MCTP1: variants seen among roughly 807,000 people sequenced by gnomAD.
MCTP1 encodes multiple C2 and transmembrane domain containing 1, also known as multiple C2 and transmembrane domain-containing protein 1.
Under a neutral mutation model 120.6 loss-of-function variants are expected in MCTP1, and 69 were observed. The observed-to-expected ratio is 0.57, with a 90% confidence interval of 0.47 to 0.70. The LOEUF (loss-of-function observed/expected upper bound fraction) is 0.70. Among genes scored for constraint, MCTP1 ranks in the 30% least tolerant of loss-of-function variants. The pLI is 0.00. For synonymous variants in MCTP1, 529 were observed against 493.1 expected (o/e 1.07, Z -0.96); for missense variants, 1,203 against 1,248.8 (o/e 0.96, Z 0.55).
intron 21 of MCTP1, 198 bp downstream of exon 21, chr5:94,710,620 C>T (rs944050611): frequency 8.0e-6 from 4 of 499,468 alleles, no homozygotes; most frequent in African/African-American, 8.0e-5. Context: ...CCTAGTGTGC[C>T]AGATAAGAAA....
At chr5:94,707,591 A>AGACT (rs746964674) in intron 22 of MCTP1, 24 bp from the exon 23 acceptor site, 4 of 1,592,974 alleles carry the variant, frequency 2.5e-6, no homozygotes, top group Non-Finnish European at 3.4e-6. Context: ...GTTCAGAGGA[A>AGACT]GACTGGTCAG....
intron 17 of MCTP1, among the ~76,000 whole-genome samples, chr5:94,831,148 A>G (rs572963119): frequency 6.6e-6 from 1 of 152,328 alleles, no homozygotes; most frequent in South Asian, 2.1e-4. Context: ...CAATATTAGT[A>G]AAACATGCCG....
chr5:95,201,419 G>A (rs1750998966), intron 1 of MCTP1, among the ~76,000 whole-genome samples: 1 of 140,856 alleles, frequency 7.1e-6, no homozygotes, highest in Non-Finnish European at 1.5e-5. Flanking sequence ...ATAGGGATGA[G>A]TGTATTTTTT....
intron 1 of MCTP1, among the ~76,000 whole-genome samples, chr5:95,211,870 T>C (rs1035488925): frequency 6.6e-6 from 1 of 152,194 alleles, no homozygotes; most frequent in African/African-American, 2.4e-5. Context: ...ATGTCCTTTC[T>C]GTTTGTTAGT....
chr5:95,116,227 T>A (rs944757515), intron 1 of MCTP1, among the ~76,000 whole-genome samples: 2 of 152,092 alleles, frequency 1.3e-5, no homozygotes, highest in African/African-American at 2.4e-5. Context: ...ATAAAACTCA[T>A]TGGTAATAGT....
Position 94,707,579 on chromosome 5 carries a change from G to A in MCTP1, c.2929-12C>T. 6.2e-7 allele frequency: 1 copy of A among 1,606,260 alleles called. No homozygotes were observed. The highest frequency in any genetic ancestry group is 8.5e-7 in the Non-Finnish European group (1 of 1,173,676). On this transcript the variant is annotated splice_polypyrimidine_tract_variant and intron_variant, in intron 22 of 22. Coordinates refer to ENST00000515393, the MANE Select transcript of MCTP1 (RefSeq NM_024717.7). The stretch of plus-strand genomic sequence containing the variant: ...TCTTGGTATTGCACCTGTTTAAACA[G>A]AGTTCAGAGGAAGACTGGTCAGGTG...
chr5:95,196,154 A>G (rs1750371071), intron 1 of MCTP1, among the ~76,000 whole-genome samples: 1 of 152,178 alleles, frequency 6.6e-6, no homozygotes, highest in Admixed American at 6.6e-5. Context: ...AAACCTGACT[A>G]TATTTTATGC....
chr5:94,779,763 G>C (rs1362893072), intron 18 of MCTP1, among the ~76,000 whole-genome samples: 1 of 152,092 alleles, frequency 6.6e-6, no homozygotes, highest in Non-Finnish European at 1.5e-5. Context: ...AGAATATCAT[G>C]AGAATGCATA....
intron 12 of MCTP1, among the ~76,000 whole-genome samples, chr5:94,887,687 A>T (rs1411335458): frequency 6.6e-6 from 1 of 152,202 alleles, no homozygotes; most frequent in Admixed American, 6.5e-5. Flanking sequence ...TTTTGAAAAA[A>T]TATGTGACAA....
chr5:95,089,894 T>G (rs931637696), intron 1 of MCTP1, among the ~76,000 whole-genome samples: 1 of 152,196 alleles, frequency 6.6e-6, no homozygotes, highest in Admixed American at 6.5e-5. Flanking sequence ...ACAATTTGTA[T>G]AGTCTGGTTA....
intron 17 of MCTP1, among the ~76,000 whole-genome samples, chr5:94,806,322 AAAC>A (rs1310427250): frequency 4.0e-5 from 6 of 150,244 alleles, no homozygotes; most frequent in Admixed American, 2.6e-4. Flanking sequence ...TTAAACAAAC[AAAC>A]AAAAATCTGT....
chr5:95,103,620 C>T (rs1489228948), intron 1 of MCTP1, among the ~76,000 whole-genome samples: 1 of 152,164 alleles, frequency 6.6e-6, no homozygotes, highest in East Asian at 1.9e-4. Context: ...TCAAAATGTA[C>T]AGTTGCTTTT....
At chr5:94,949,487 T>A (rs994602021) in intron 3 of MCTP1, among the ~76,000 whole-genome samples, 3 of 152,182 alleles carry the variant, frequency 2.0e-5, no homozygotes, top group African/African-American at 7.2e-5. Flanking sequence ...AAAAGTTACA[T>A]AAATTCCAAC....
intron 1 of MCTP1, among the ~76,000 whole-genome samples, chr5:95,257,438 A>AT (rs200568315): frequency 6.6e-6 from 1 of 152,166 alleles, no homozygotes; most frequent in Non-Finnish European, 1.5e-5. Context: ...ACAGAAAACT[A>AT]TTTTTAAAAA....
At chr5:95,188,371 C>T (rs1441371777) in intron 1 of MCTP1, among the ~76,000 whole-genome samples, 8 of 152,184 alleles carry the variant, frequency 5.3e-5, no homozygotes, top group African/African-American at 1.9e-4. Context: ...ACTAAACATA[C>T]TATCACCATA....
chr5:95,109,077 A>G (rs1291938235), intron 1 of MCTP1, among the ~76,000 whole-genome samples: 2 of 152,210 alleles, frequency 1.3e-5, no homozygotes, highest in Non-Finnish European at 2.9e-5. Flanking sequence ...AAGTTTACCA[A>G]GAGTCTAGAC....
Position 94,714,817 on chromosome 5 carries a change from T to A in MCTP1, c.2680A>T (p.Ile894Phe). 1.2e-6 allele frequency: 2 copies of A among 1,612,538 alleles called. No homozygotes were observed. Among genetic ancestry groups the A allele is most frequent in the Non-Finnish European group, 1.7e-6 (2 of 1,178,654 alleles). ...CCAAAGGAAGCCACTTCATCTAGGA[T>A]GTTCTGGACACTGACACATACCTCC... The part of the protein sequence containing the change: ...IQEVCVSVQN[I>F]LDEVASFGER... The change falls in exon 20 of 23, where the codon ATC (isoleucine) becomes TTC (phenylalanine). Residue 894 changes from isoleucine (I) to phenylalanine (F), a missense_variant. By Grantham distance (21) the Ile-to-Phe change is conservative. Coordinates refer to ENST00000515393, the MANE Select transcript of MCTP1 (RefSeq NM_024717.7).
In MCTP1 at chr5:94,995,640, G is replaced by T. The variant is rs533327941; in HGVS notation, c.838+21727C>A. ...GTTATCCCTAAACAATGTTAAGATA[G>T]AACTTTTCTTTTTGACAAATTACCT... is the stretch of plus-strand genomic sequence containing the variant. On this transcript the variant is annotated intron_variant, in intron 2 of 22. Transcript: ENST00000515393. Among the ~76,000 whole-genome samples the T allele has an allele frequency of 2.0e-5, 3 of 152,268 alleles. No individual in the cohort carries two copies. The East Asian group carries it at 5.8e-4, about 29-fold the overall frequency.
intron 18 of MCTP1, among the ~76,000 whole-genome samples, chr5:94,797,456 T>G (rs992845220): frequency 2.0e-5 from 3 of 152,048 alleles, no homozygotes; most frequent in African/African-American, 7.2e-5. Context: ...TCTGAAAGAG[T>G]CCTATTTTCT....
Sources: allele counts gnomAD v4.1 joint callset (sites outside exome capture counted in the v4.1 genomes callset), GRCh38; gene constraint gnomAD v4.1.1; transcripts MANE v1.5; gene names NCBI Gene and HGNC (gene_info 2026-07-23, HGNC 2026-07-21).